Variants in PPARGC1A observed in about 807,000 individuals in gnomAD.
PPARGC1A encodes the protein peroxisome proliferator-activated receptor gamma coactivator 1-alpha.
Under a neutral mutation model 88.7 loss-of-function variants are expected in PPARGC1A, and 25 were observed. The observed-to-expected ratio is 0.28, with a 90% CI of 0.21 to 0.39. The LOEUF is 0.39. Ranked by LOEUF, PPARGC1A falls within the 10% of genes least tolerant of loss-of-function variation. PPARGC1A has a pLI of 1.00. For synonymous variants in PPARGC1A, 363 were observed against 355.6 expected, an observed-to-expected ratio of 1.02 and a Z score of -0.24; for missense variants, 880 against 968.7, an observed-to-expected ratio of 0.91 and a Z score of 1.22.
the PPARGC1A span, among the ~76,000 whole-genome samples, chr4:24,435,460 T>C: frequency 6.6e-6 from 1 of 152,132 alleles, no homozygotes; most frequent in Non-Finnish European, 1.5e-5. Context: ...AACTCCTGTT[T>C]TCTCATCAGA....
chr4:24,086,651 C>T, the PPARGC1A span, among the ~76,000 whole-genome samples: 1 of 152,198 alleles, frequency 6.6e-6, no homozygotes, highest in Admixed American at 6.5e-5. Context: ...GCAACATCTT[C>T]AGTCACTTTC....
At chr4:24,470,628 C>T in the PPARGC1A span, among the ~76,000 whole-genome samples, 4 of 152,008 alleles carry the variant, frequency 2.6e-5, no homozygotes, top group Non-Finnish European at 5.9e-5. The surrounding 1 kb of genome is among the most constrained non-coding windows in gnomAD (Gnocchi z 5.8). Context: ...GGCTGCCTCA[C>T]CGCGAATCCT....
At chr4:23,815,825 T>C (rs898564440) in intron 7 of PPARGC1A, among the ~76,000 whole-genome samples, 5 of 152,098 alleles carry the variant, frequency 3.3e-5, no homozygotes, top group Non-Finnish European at 7.4e-5. Context: ...CAAAAAGAAC[T>C]TCAAGTCTGC....
chr4:24,434,778 C>G, the PPARGC1A span, among the ~76,000 whole-genome samples: 1 of 152,194 alleles, frequency 6.6e-6, no homozygotes, highest in Non-Finnish European at 1.5e-5. Context: ...CACTCTTGCT[C>G]TCACCTAATT....
chr4:24,112,375 A>T, the PPARGC1A span, among the ~76,000 whole-genome samples: 9 of 152,182 alleles, frequency 5.9e-5, no homozygotes, highest in East Asian at 1.4e-3. Context: ...GAAATCTGAA[A>T]TTTTTTTTAT....
chr4:23,886,746 C>G (rs182722586), intron 1 of PPARGC1A, among the ~76,000 whole-genome samples: 1 of 151,924 alleles, frequency 6.6e-6, no homozygotes, highest in East Asian at 1.9e-4. Flanking sequence ...GCTGATCCTC[C>G]AAGCCCAAAC....
the PPARGC1A span, among the ~76,000 whole-genome samples, chr4:24,168,972 T>C: frequency 1.3e-5 from 2 of 152,160 alleles, no homozygotes; most frequent in African/African-American, 4.8e-5. Flanking sequence ...AAAAGTCCTG[T>C]GTTTAAAAAG....
the PPARGC1A span, among the ~76,000 whole-genome samples, chr4:24,179,442 C>G: frequency 6.6e-6 from 1 of 152,070 alleles, no homozygotes; most frequent in South Asian, 2.1e-4. Context: ...AGTATTGTTG[C>G]CAGTTCTGCG....
At chr4:24,220,076 C>T in the PPARGC1A span, among the ~76,000 whole-genome samples, 2 of 152,238 alleles carry the variant, frequency 1.3e-5, no homozygotes, top group East Asian at 3.9e-4. Context: ...GATGAGCAGG[C>T]ACTTCTCAAA....
chr4:24,179,824 T>C, the PPARGC1A span, among the ~76,000 whole-genome samples: 8 of 152,198 alleles, frequency 5.3e-5, no homozygotes, highest in African/African-American at 1.9e-4. Flanking sequence ...TGTTTTTTAT[T>C]TGTTACAGAA....
the PPARGC1A span, among the ~76,000 whole-genome samples, chr4:23,922,827 C>T: frequency 6.6e-6 from 1 of 152,232 alleles, no homozygotes; most frequent in East Asian, 1.9e-4. Context: ...CTGGCTTCCA[C>T]ACGCAATTTA....
At chr4:23,881,023 C>T (rs1378734237) in intron 2 of PPARGC1A, 1 of 152,196 alleles carries the variant, frequency 6.6e-6, no homozygotes, top group African/African-American at 2.4e-5. Flanking sequence ...AGGTTGCCCA[C>T]AGTGACCCAG....
the PPARGC1A span, among the ~76,000 whole-genome samples, chr4:24,192,112 A>G: frequency 6.6e-6 from 1 of 151,800 alleles, no homozygotes; most frequent in Non-Finnish European, 1.5e-5. Flanking sequence ...TTTCTTTTAT[A>G]CTCCTCTAGT....
intron 10 of PPARGC1A, among the ~76,000 whole-genome samples, chr4:23,806,804 T>A (rs1006857460): frequency 2.0e-5 from 3 of 152,168 alleles, no homozygotes; most frequent in Non-Finnish European, 4.4e-5. Context: ...GAGGAAAACA[T>A]ACAGTGGTTG....
the PPARGC1A span, among the ~76,000 whole-genome samples, chr4:24,344,364 C>T: frequency 1.4e-4 from 21 of 152,140 alleles, no homozygotes; most frequent in South Asian, 6.2e-4. Context: ...ACATTCCCAC[C>T]GGAAGTGTAG....
At chr4:24,358,416 G>A in the PPARGC1A span, among the ~76,000 whole-genome samples, 1 of 152,156 alleles carries the variant, frequency 6.6e-6, no homozygotes, top group Non-Finnish European at 1.5e-5. Context: ...AACGGCAGAG[G>A]GCCAGATTCA....
intron 2 of PPARGC1A, among the ~76,000 whole-genome samples, chr4:23,872,862 A>G (rs1347920323): frequency 6.6e-6 from 1 of 152,184 alleles, no homozygotes. Flanking sequence ...CAAAAGTTGG[A>G]AACTGAGAGC....
At chr4:24,096,038 G>A in the PPARGC1A span, among the ~76,000 whole-genome samples, 2 of 152,126 alleles carry the variant, frequency 1.3e-5, no homozygotes, top group Non-Finnish European at 1.5e-5. Context: ...CACTTGAATT[G>A]GAGGAGGGGC....
chr4:24,431,309 A>G, the PPARGC1A span, among the ~76,000 whole-genome samples: 4 of 152,154 alleles, frequency 2.6e-5, no homozygotes, highest in Non-Finnish European at 5.9e-5. Flanking sequence ...TAGAGAACAC[A>G]GAGAATAGAA....
Sources: allele counts gnomAD v4.1 joint callset (sites outside exome capture counted in the v4.1 genomes callset), GRCh38; gene constraint gnomAD v4.1.1; non-coding constraint Gnocchi (gnomAD v3.1); transcripts MANE v1.5; gene names NCBI Gene and HGNC (gene_info 2026-07-23, HGNC 2026-07-21).